TFDP2: variants seen among roughly 807,000 people sequenced by gnomAD.
TFDP2 encodes transcription factor Dp-2 (E2F dimerization partner 2).
A neutral mutation model predicts 59.3 loss-of-function variants in TFDP2; 17 were observed. That is an observed-to-expected ratio of 0.29 (90% CI 0.20 to 0.43). The LOEUF (loss-of-function observed/expected upper bound fraction) is 0.43, where lower values mean the gene tolerates loss of function less well. Ranked by LOEUF, TFDP2 falls within the 20% of genes least tolerant of loss-of-function variation. The pLI, the probability that TFDP2 is intolerant of heterozygous loss-of-function variation, is 1.00. For synonymous variants in TFDP2, 180 were observed against 194.7 expected, an observed-to-expected ratio of 0.92 and a Z score of 0.63; for missense variants, 391 against 528.8, an observed-to-expected ratio of 0.74 and a Z score of 2.56.
At chr3:142,054,458 G>A (rs1462291135) in intron 3 of TFDP2, among the ~76,000 whole-genome samples, 1 of 152,100 alleles carries the variant, frequency 6.6e-6, no homozygotes, top group East Asian at 1.9e-4. Flanking sequence ...AGCTGGTTTT[G>A]CCTATATGAA....
At chr3:141,952,741 A>T (rs1454857408) in intron 12 of TFDP2, 45 bp from the exon 13 acceptor site, 2 of 1,602,546 alleles carry the variant, frequency 1.2e-6, no homozygotes, top group African/African-American at 2.7e-5. Context: ...TGTGGTATAA[A>T]CAGTTTTGTA....
At chr3:141,978,718 C>T (rs369915005) in intron 6 of TFDP2, 36 bp from the exon 7 acceptor site, 14 of 1,457,764 alleles carry the variant, frequency 9.6e-6, no homozygotes, top group African/African-American at 8.5e-5. Context: ...CTCCATTATA[C>T]ATATTAGAGA....
At chr3:142,092,013 G>C (rs995558702) in intron 3 of TFDP2, among the ~76,000 whole-genome samples, 1 of 152,002 alleles carries the variant, frequency 6.6e-6, no homozygotes, top group South Asian at 2.1e-4. Flanking sequence ...TATTGTAATA[G>C]ATCTTTTTCC....
In TFDP2 at chr3:142,093,243, A is replaced by G. The variant is rs948778291; in HGVS notation, c.16-116T>C. ...ATATCAAATATATATAGCCACATCA[A>G]ATGAATTAATTATATTAACCACAGG... On this transcript the variant is annotated intron_variant, in intron 2 of 12. Transcript: ENST00000489671. 11 of 559,078 alleles carry G rather than the reference A, an allele frequency of 2.0e-5. No individual in the cohort carries two copies. In the African/African-American group the frequency reaches 2.1e-4, roughly 11 times the overall value. 34.6% of individuals were successfully genotyped at this position (559,078 alleles called of 1,614,324 possible).
chr3:142,118,307 A>G (rs2061915009), intron 1 of TFDP2, among the ~76,000 whole-genome samples: 5 of 152,226 alleles, frequency 3.3e-5, no homozygotes, highest in Admixed American at 3.3e-4. Flanking sequence ...AAAACAAACA[A>G]GCAGACCATA....
intron 6 of TFDP2, among the ~76,000 whole-genome samples, chr3:141,991,870 C>A (rs538820443): frequency 7.9e-5 from 12 of 152,104 alleles, no homozygotes; most frequent in African/African-American, 2.7e-4. Flanking sequence ...TGGTGAAACC[C>A]TGTTTCTACA....
At chr3:142,011,632 G>GA (rs753672573) in intron 3 of TFDP2, among the ~76,000 whole-genome samples, 109 of 124,276 alleles carry the variant, frequency 8.8e-4, no homozygotes, top group Non-Finnish European at 1.3e-3. Flanking sequence ...GGAAAACAAG[G>GA]AAAAAAAAAA....
intron 7 of TFDP2, among the ~76,000 whole-genome samples, chr3:141,976,778 T>C (rs1249278829): frequency 2.6e-5 from 4 of 151,570 alleles, no homozygotes; most frequent in African/African-American, 7.3e-5. Context: ...CAGAATGCTA[T>C]AGACTTTTTT....
intron 3 of TFDP2, among the ~76,000 whole-genome samples, chr3:142,011,772 C>T (rs1028652781): frequency 6.6e-6 from 1 of 151,852 alleles, no homozygotes; most frequent in African/African-American, 2.4e-5. Context: ...TGACTTGGCA[C>T]CTACTATTCT....
chr3:142,111,927 G>A (rs2061679603), intron 1 of TFDP2, among the ~76,000 whole-genome samples: 1 of 152,140 alleles, frequency 6.6e-6, no homozygotes, highest in South Asian at 2.1e-4. Flanking sequence ...TTAGCTGGAT[G>A]TGGTGGAGCG....
At position 141,952,252 on chromosome 3, in the gene TFDP2, T is replaced by A. The variant is rs566654668; in HGVS notation, c.*261A>T. On this transcript the variant is annotated 3_prime_UTR_variant, in exon 13 of 13. Transcript: ENST00000489671. ...CTCACACTGCCAACTCTTCAGGGAT[T>A]ATCCCCACTATCTCCTCAGAAAGCA... is the stretch of plus-strand genomic sequence containing the variant. 1.5e-3 allele frequency: 500 copies of A among 327,834 alleles called. 1 individual carries two copies. The highest frequency in any genetic ancestry group is 2.0e-3 in the Non-Finnish European group (376 of 183,890). 20.3% of individuals were successfully genotyped at this position (327,834 alleles called of 1,614,324 possible). A position where few individuals can be genotyped will look rare whatever the true frequency, so the allele number is the denominator to read the frequency against.
chr3:142,060,578 T>C (rs1034742769), intron 3 of TFDP2, among the ~76,000 whole-genome samples: 8 of 152,174 alleles, frequency 5.3e-5, no homozygotes, highest in African/African-American at 1.9e-4. Context: ...CAGCATTCTG[T>C]ATTTATTTAT....
At chr3:142,007,352 G>A (rs548043802) in intron 3 of TFDP2, among the ~76,000 whole-genome samples, 25 of 151,916 alleles carry the variant, frequency 1.6e-4, no homozygotes, top group African/African-American at 5.8e-4. Context: ...TACGATCATC[G>A]AATCCACCCA....
chr3:142,096,194 T>A (rs1165282234), intron 2 of TFDP2, among the ~76,000 whole-genome samples: 1 of 152,174 alleles, frequency 6.6e-6, no homozygotes, highest in Non-Finnish European at 1.5e-5. Context: ...CTTAGTCTCA[T>A]AGATGGAGGG....
At chr3:142,111,427 CA>C (rs80110477) in intron 1 of TFDP2, among the ~76,000 whole-genome samples, 544 of 60,178 alleles carry the variant, frequency 9.0e-3, no homozygotes, top group South Asian at 0.025. Flanking sequence ...GACTCTGTCT[CA>C]AAAAAAAAAA....
At chr3:142,005,912 GACATA>G (rs1312308527) in intron 3 of TFDP2, among the ~76,000 whole-genome samples, 2 of 149,128 alleles carry the variant, frequency 1.3e-5, no homozygotes, top group African/African-American at 2.4e-5. Context: ...ATCTTTAATA[GACATA>G]ACAGAACAAA....
At chr3:141,978,386 C>A in intron 7 of TFDP2, 134 bp downstream of exon 7, 6 of 926,386 alleles carry the variant, frequency 6.5e-6, no homozygotes, top group African/African-American at 1.8e-5. Context: ...TAAAACTCAA[C>A]AACAACAAAA....
At chr3:142,114,008 CA>C (rs1045843339) in intron 1 of TFDP2, among the ~76,000 whole-genome samples, 2 of 151,854 alleles carry the variant, frequency 1.3e-5, no homozygotes, top group African/African-American at 4.8e-5. Context: ...ACTAAAAATA[CA>C]AAAAAATTAG....
chr3:141,993,642 C>T lies in TFDP2; in HGVS notation c.309-57G>A, dbSNP rs1408066919. 1.8e-5 allele frequency: 18 copies of T among 1,025,804 alleles called. No individual in the cohort carries two copies. In the East Asian group the frequency reaches 4.8e-4, roughly 28 times the overall value. The allele number at this position is 1,025,804 out of a possible 1,614,324, so 63.5% of individuals were successfully genotyped here. Reference sequence around the variant, plus strand: ...TACATACTTAAATACAATTTAATTTCATTAATACTTTATTATAACTTGTCT... The same window carrying T: ...TACATACTTAAATACAATTTAATTTTATTAATACTTTATTATAACTTGTCT... On this transcript the variant is annotated intron_variant, in intron 5 of 12. Coordinates refer to ENST00000489671, the MANE Select transcript of TFDP2 (RefSeq NM_001178139.2).
Sources: allele counts gnomAD v4.1 joint callset (sites outside exome capture counted in the v4.1 genomes callset), GRCh38; gene constraint gnomAD v4.1.1; transcripts MANE v1.5; gene names NCBI Gene and HGNC (gene_info 2026-07-23, HGNC 2026-07-21).